HS3ST4: variants seen among roughly 807,000 people sequenced by gnomAD.
HS3ST4 encodes heparan sulfate glucosamine 3-O-sulfotransferase 4.
Under a neutral mutation model 29.2 loss-of-function variants are expected in HS3ST4, and 17 were observed. The ratio of observed to expected loss-of-function variants is 0.58; its 90% CI spans 0.40 to 0.87. The LOEUF is 0.87. Among genes scored for constraint, HS3ST4 ranks in the 40% least tolerant of loss-of-function variants. The probability of loss-of-function intolerance (pLI) is 0.00; values close to 1 mark genes in which losing one functional copy is unlikely to be tolerated. For synonymous variants in HS3ST4, 314 were observed against 285.7 expected (o/e 1.10, Z -1.00); for missense variants, 627 against 634.5 (o/e 0.99, Z 0.13).
intron 1 of HS3ST4, among the ~76,000 whole-genome samples, chr16:25,844,221 G>A (rs1252649302): frequency 6.6e-6 from 1 of 152,136 alleles, no homozygotes; most frequent in Non-Finnish European, 1.5e-5. Context: ...TAATGCCTTA[G>A]TATCTGTCCT....
intron 1 of HS3ST4, among the ~76,000 whole-genome samples, chr16:26,129,383 G>A (rs932478690): frequency 2.0e-5 from 3 of 152,198 alleles, no homozygotes; most frequent in African/African-American, 7.2e-5. Context: ...CAAGAGCTTG[G>A]GCTATGGTGT....
intron 1 of HS3ST4, among the ~76,000 whole-genome samples, chr16:25,801,437 A>G (rs1454002524): frequency 6.6e-6 from 1 of 152,176 alleles, no homozygotes; most frequent in Non-Finnish European, 1.5e-5. Flanking sequence ...GCAGCTTCTT[A>G]GAAGTGGAAT....
At chr16:25,843,258 A>C (rs1967434184) in intron 1 of HS3ST4, among the ~76,000 whole-genome samples, 1 of 152,198 alleles carries the variant, frequency 6.6e-6, no homozygotes, top group Non-Finnish European at 1.5e-5. Context: ...CTCTGCAGAC[A>C]GACGATGCTA....
intron 1 of HS3ST4, among the ~76,000 whole-genome samples, chr16:25,849,992 C>G (rs932216883): frequency 7.0e-6 from 1 of 142,770 alleles, no homozygotes; most frequent in Non-Finnish European, 1.5e-5. Flanking sequence ...AATATAGATG[C>G]CTAGATGCCT....
intron 1 of HS3ST4, among the ~76,000 whole-genome samples, chr16:25,880,559 C>T (rs535829019): frequency 6.6e-6 from 1 of 152,218 alleles, no homozygotes; most frequent in African/African-American, 2.4e-5. Context: ...TTTTAAAATC[C>T]CTTACAATGT....
At chr16:26,089,986 T>C (rs28566156) in intron 1 of HS3ST4, among the ~76,000 whole-genome samples, 5,160 of 152,286 alleles carry the variant, frequency 0.034, 274 homozygotes, top group African/African-American at 0.11. Context: ...GTAAACAATA[T>C]ATTTTCACTC....
intron 1 of HS3ST4, among the ~76,000 whole-genome samples, chr16:25,868,459 G>A (rs1009854103): frequency 2.0e-5 from 3 of 151,994 alleles, no homozygotes; most frequent in Middle Eastern, 3.2e-3. Flanking sequence ...TGCAGCAGAC[G>A]CCCAGTAGCA....
intron 1 of HS3ST4, chr16:26,032,831 G>T: frequency 6.4e-7 from 1 of 1,571,312 alleles, no homozygotes. Flanking sequence ...GGCGACGGCA[G>T]CAGGACGTAG....
intron 1 of HS3ST4, among the ~76,000 whole-genome samples, chr16:26,106,763 A>G (rs1172324039): frequency 1.3e-5 from 2 of 152,194 alleles, no homozygotes; most frequent in African/African-American, 4.8e-5. Flanking sequence ...AGCACAGATA[A>G]AGAGGGCAGA....
intron 1 of HS3ST4, among the ~76,000 whole-genome samples, chr16:25,857,703 G>A (rs952504356): frequency 2.3e-4 from 35 of 151,822 alleles, no homozygotes; most frequent in African/African-American, 4.8e-4. Flanking sequence ...TTTAATTTAC[G>A]CCTTGTTGGT....
chr16:25,928,249 C>T (rs1284173906), intron 1 of HS3ST4, among the ~76,000 whole-genome samples: 1 of 150,948 alleles, frequency 6.6e-6, no homozygotes, highest in Non-Finnish European at 1.5e-5. Flanking sequence ...CCTGTAGTTC[C>T]AGCTACTTGG....
intron 1 of HS3ST4, among the ~76,000 whole-genome samples, chr16:26,127,707 C>T (rs1899363616): frequency 6.6e-6 from 1 of 152,188 alleles, no homozygotes; most frequent in African/African-American, 2.4e-5. Context: ...CCTCAGATTA[C>T]TCACGGATAT....
chr16:26,121,693 C>T lies in HS3ST4; in HGVS notation c.735-13919C>T, dbSNP rs570579828. ...TCCCGAGAGGAGCCCTCTGTTGTCA[C>T]TGTCTTTTCAACTGTAAGCACGAGT... On this transcript the variant is annotated intron_variant, in intron 1 of 1. Coordinates refer to ENST00000331351, the MANE Select transcript of HS3ST4 (RefSeq NM_006040.3). Among the ~76,000 whole-genome samples the T allele has an allele frequency of 2.0e-5, 3 of 152,308 alleles. No homozygotes were observed. In the South Asian group the frequency reaches 6.2e-4, roughly 32 times the overall value.
At chr16:25,950,467 C>A (rs1968671862) in intron 1 of HS3ST4, among the ~76,000 whole-genome samples, 1 of 151,908 alleles carries the variant, frequency 6.6e-6, no homozygotes, top group African/African-American at 2.4e-5. Flanking sequence ...ATGGATAGAT[C>A]TTTGGATGAA....
chr16:26,127,780 C>G (rs1899364715), intron 1 of HS3ST4, among the ~76,000 whole-genome samples: 1 of 152,196 alleles, frequency 6.6e-6, no homozygotes, highest in Non-Finnish European at 1.5e-5. Context: ...CCACTACAAC[C>G]TCAGTGGAAT....
At chr16:26,013,287 C>G (rs1057240931) in intron 1 of HS3ST4, among the ~76,000 whole-genome samples, 16 of 152,082 alleles carry the variant, frequency 1.1e-4, no homozygotes, top group African/African-American at 3.9e-4. Context: ...TGCCCAGGTA[C>G]CATTCCTGGT....
chr16:25,925,400 C>T (rs963370250), intron 1 of HS3ST4, among the ~76,000 whole-genome samples: 2 of 152,068 alleles, frequency 1.3e-5, no homozygotes, highest in African/African-American at 4.8e-5. Context: ...TCAGCTTTCT[C>T]ATCTTTAAAA....
chr16:25,920,086 G>A (rs1463363928), intron 1 of HS3ST4, among the ~76,000 whole-genome samples: 3 of 152,048 alleles, frequency 2.0e-5, no homozygotes, highest in East Asian at 1.9e-4. Context: ...TTGGTTTCCC[G>A]TGATGGCCCA....
At chr16:25,837,499 C>G (rs1967369234) in intron 1 of HS3ST4, among the ~76,000 whole-genome samples, 1 of 152,162 alleles carries the variant, frequency 6.6e-6, no homozygotes, top group Admixed American at 6.5e-5. Flanking sequence ...AGAACGCTTT[C>G]TCATGTCAGA....
Sources: gnomAD v4.1 joint callset for allele counts (sites outside exome capture counted in the v4.1 genomes callset) on GRCh38, gnomAD v4.1.1 for gene constraint, MANE v1.5 for transcripts, NCBI Gene and HGNC (gene_info 2026-07-23, HGNC 2026-07-21) for gene names.